The following SBF1 variants were observed in gnomAD, a reference collection of about 807,000 sequenced individuals.
SBF1 encodes the protein SET binding factor 1.
A neutral mutation model predicts 215.8 loss-of-function variants in SBF1; 65 were observed. That is an observed-to-expected ratio of 0.30 (90% CI 0.25 to 0.37). The LOEUF (loss-of-function observed/expected upper bound fraction) is 0.37. Ranked by LOEUF, SBF1 falls within the 10% of genes least tolerant of loss-of-function variation. The pLI is 1.00. For missense variants in SBF1, 2,634 were observed against 2,667.8 expected, an observed-to-expected ratio of 0.99 and a Z score of 0.28; for synonymous variants, 1,410 against 1,122.8, an observed-to-expected ratio of 1.26 and a Z score of -5.11.
chr22:50,456,735 G>T (rs905649349), intron 29 of SBF1, 62 bp from the exon 30 acceptor site: 15 of 1,378,382 alleles, frequency 1.1e-5, no homozygotes, highest in Non-Finnish European at 1.4e-5. Context: ...CCTGGGGCTG[G>T]CTGGGCCCGG....
At chr22:50,457,851 C>T (rs998768465) in intron 28 of SBF1, among the ~76,000 whole-genome samples, 61 of 152,364 alleles carry the variant, frequency 4.0e-4, no homozygotes, top group Admixed American at 3.5e-3. Flanking sequence ...AATGTCCCCT[C>T]GTCCACCAAG....
At chr22:50,449,577 T>G (rs2066962974) in intron 36 of SBF1, among the ~76,000 whole-genome samples, 1 of 151,334 alleles carries the variant, frequency 6.6e-6, no homozygotes, top group South Asian at 2.1e-4. Context: ...ATCACACCAC[T>G]GCCCTCCAGC....
At chr22:50,453,714 G>A (rs1048346605) in intron 36 of SBF1, among the ~76,000 whole-genome samples, 4 of 152,166 alleles carry the variant, frequency 2.6e-5, no homozygotes, top group African/African-American at 9.7e-5. Flanking sequence ...GTGAACCCGG[G>A]AGACGGAGCT....
Position 50,470,035 on chromosome 22 carries a change from C to T in SBF1, c.56-1574G>A, listed in dbSNP as rs373785165. 4.7e-4 allele frequency among the ~76,000 whole-genome samples: 71 copies of T among 152,090 alleles called. No homozygotes were observed. The East Asian group carries it at 9.3e-3, about 20-fold the overall frequency. On this transcript the variant is annotated intron_variant, in intron 1 of 40. Coordinates refer to ENST00000380817, the MANE Select transcript of SBF1 (RefSeq NM_002972.4). ...CACCCTGCAGAGGACAGGCGGCAGA[C>T]GGGTGGGGGCCCAGGTGTCTGCGGG...
rs774945434 is a variant in SBF1 at position 50,455,273 on chromosome 22, C to T, written c.4505G>A (p.Ser1502Asn). The T allele has an allele frequency of 1.2e-6, 2 of 1,613,412 alleles. No homozygotes were observed. Among genetic ancestry groups the T allele is most frequent in the South Asian group, 1.1e-5 (1 of 91,076 alleles). The part of the protein sequence containing the change: ...HRGAHTLAGQ[S>N]SGFTPVFLQF... ...CAGGAAGACGGGTGTGAAGCCGCTG[C>T]TCTGCCCGGCCAGGGTGTGAGCTCC... Residue 1502 changes from serine (S) to asparagine (N), a missense_variant, in exon 33 of 41, where the codon AGC (serine) becomes AAC (asparagine). By Grantham distance (46) the Ser-to-Asn change is conservative. Transcript: ENST00000380817.
At chr22:50,470,728 C>T (rs1240273138) in intron 1 of SBF1, among the ~76,000 whole-genome samples, 1 of 152,346 alleles carries the variant, frequency 6.6e-6, no homozygotes, top group Non-Finnish European at 1.5e-5. Flanking sequence ...TTGTAGAACA[C>T]GTACAGTCGG....
chr22:50,462,210 G>C lies in SBF1; in HGVS notation c.2391C>G (p.Thr797=). ...ACCCCCAGTCCCTGCCTCACCTGTT[G>C]GTGACCAGGCTGTTGCTGGCGCTCT... ...DLESASNSLV[T]NSMAGSVAES... Residue 797 remains threonine, a synonymous_variant, in exon 19 of 41, where the codon ACC becomes ACG. Coordinates refer to ENST00000380817, the MANE Select transcript of SBF1 (RefSeq NM_002972.4). The C allele has an allele frequency of 1.2e-6, 2 of 1,607,096 alleles. No individual in the cohort carries two copies. The highest frequency in any genetic ancestry group is 2.7e-5 in the African/African-American group (2 of 75,056).
rs1183692498 is a variant in SBF1, at chr22:50,462,954, G to C, written c.1900-16C>G. ...AAGTGCAGTCCTGCAGGTAGAGCGA[G>C]AGACCGTCAGGACCTCTCCCCTCCC... is the stretch of plus-strand genomic sequence containing the variant. On this transcript the variant is annotated splice_polypyrimidine_tract_variant and intron_variant, in intron 16 of 40. Transcript: ENST00000380817. 1.9e-6 allele frequency: 3 copies of C among 1,606,404 alleles called. No homozygotes were observed. Among genetic ancestry groups the C allele is most frequent in the African/African-American group, 1.3e-5 (1 of 74,776 alleles).
In SBF1 at chr22:50,462,722, A is replaced by G. The variant is rs369440376; in HGVS notation, c.1969-5T>C. 6.2e-7 allele frequency: 1 copy of G among 1,610,966 alleles called. No individual in the cohort carries two copies. The highest frequency in any genetic ancestry group is 8.5e-7 in the Non-Finnish European group (1 of 1,179,014). On this transcript the variant is annotated splice_polypyrimidine_tract_variant and splice_region_variant and intron_variant, in intron 17 of 40. Coordinates refer to ENST00000380817, the MANE Select transcript of SBF1 (RefSeq NM_002972.4). The stretch of plus-strand genomic sequence containing the variant: ...CGTCACCCCCGGGCTCAGCTTCTGC[A>G]GGAGCCAGGGGAGAAGGTCAGCTGG...
intron 28 of SBF1, among the ~76,000 whole-genome samples, chr22:50,458,029 G>C (rs1367159032): frequency 6.6e-6 from 1 of 152,236 alleles, no homozygotes; most frequent in Non-Finnish European, 1.5e-5. Flanking sequence ...GCCAGGCGCA[G>C]TGGCTCACGC....
At position 50,464,785 on chromosome 22, in the gene SBF1, G is replaced by A. The variant is rs371634179; in HGVS notation, c.1431+34C>T. On this transcript the variant is annotated intron_variant, in intron 13 of 40. Coordinates refer to ENST00000380817, the MANE Select transcript of SBF1 (RefSeq NM_002972.4). ...GGGGCAGGGGCCCAGGGATCAAGGC[G>A]GTACGACGCCCTCCCGTCCTGCTAC... 27 of 1,612,258 alleles carry A rather than the reference G, an allele frequency of 1.7e-5. No individual in the cohort carries two copies. In the Middle Eastern group the frequency reaches 5.0e-4, roughly 30 times the overall value.
intron 5 of SBF1, 194 bp from the exon 6 acceptor site, chr22:50,466,904 G>C: frequency 1.7e-6 from 1 of 576,192 alleles, no homozygotes; most frequent in South Asian, 2.3e-5. Flanking sequence ...AGAAAACTCA[G>C]GACAGGAGTG....
intron 36 of SBF1, among the ~76,000 whole-genome samples, chr22:50,450,926 G>A (rs1452895126): frequency 1.3e-5 from 2 of 152,054 alleles, no homozygotes; most frequent in South Asian, 2.1e-4. Flanking sequence ...TGGGCAACAT[G>A]GCAAGACCCC....
rs773891779 is a variant in SBF1 at position 50,447,506 on chromosome 22, C to T, written c.5451+16G>A. 7.4e-6 allele frequency: 12 copies of T among 1,612,286 alleles called. No homozygotes were observed. In the East Asian group the frequency reaches 2.7e-4, roughly 36 times the overall value. On this transcript the variant is annotated intron_variant, in intron 39 of 40. Coordinates refer to ENST00000380817, the MANE Select transcript of SBF1 (RefSeq NM_002972.4). ...CCCCCTCCCCCGTGAGTCCCCCCCA[C>T]CACCTGATCACTCACCTGGTGCTTG...
chr22:50,457,256 G>T (rs1223654199), intron 28 of SBF1, 145 bp from the exon 29 acceptor site: 4 of 593,910 alleles, frequency 6.7e-6, no homozygotes, highest in East Asian at 3.5e-5. Flanking sequence ...CTGATCGCAG[G>T]AAAGTGGGAA....
rs779268571 is a variant in SBF1 at position 50,454,909 on chromosome 22, G to A, written c.4717C>T (p.Gln1573Ter). The A allele has an allele frequency of 6.2e-7, 1 of 1,614,098 alleles. No homozygotes were observed. Among genetic ancestry groups the A allele is most frequent in the Non-Finnish European group, 8.5e-7 (1 of 1,180,004 alleles). The change falls in exon 35 of 41, where the codon CAG becomes TAG. Residue 1573 changes from glutamine (Q) to a stop codon, truncating the protein, a stop_gained. Coordinates refer to ENST00000380817, the MANE Select transcript of SBF1 (RefSeq NM_002972.4). LOFTEE classifies it high-confidence loss of function. ...TCCCACACAGACCTGCACGGCACCT[G>A]GCCCCTGCGTTCCCCCTTCTCCTCA... ...LYEEKGERRG[Q>*]VPCRSVWEYV...
chr22:50,467,422 G>A lies in SBF1; in HGVS notation c.465C>T (p.Ile155=). The change falls in exon 5 of 41, where the codon ATC becomes ATT. Residue 155 remains isoleucine, a synonymous_variant. Transcript: ENST00000380817. ...GGCACACATTCAGGCCCTCCACGTG[G>A]ATGGCATAGATGAGGCCAAGGCTGT... is the stretch of plus-strand genomic sequence containing the variant. ...FRNSLGLIYA[I]HVEGLNVCLE... The A allele has an allele frequency of 1.2e-6, 2 of 1,614,202 alleles. No individual in the cohort carries two copies. Among genetic ancestry groups the A allele is most frequent in the Non-Finnish European group, 1.7e-6 (2 of 1,180,022 alleles).
chr22:50,463,887 G>A (rs562834454), intron 15 of SBF1, among the ~76,000 whole-genome samples: 1 of 152,340 alleles, frequency 6.6e-6, no homozygotes, highest in African/African-American at 2.4e-5. Context: ...CATGATGAAA[G>A]ACCCCAGAGG....
chr22:50,454,712 G>A lies in SBF1; in HGVS notation c.4843C>T (p.Leu1615=), dbSNP rs762307253. 12 of 1,568,144 alleles carry A rather than the reference G, an allele frequency of 7.7e-6. No individual in the cohort carries two copies. The South Asian group carries it at 1.2e-4, about 16-fold the overall frequency. ...TCAGTGTAGAAGTCCCACACCTTCA[G>A]GTTGGACACGTTGCTGTAGGGCCGC... is the stretch of plus-strand genomic sequence containing the variant. ...VLRPYSNVSN[L]KVWDFYTEET... Residue 1615 remains leucine, a synonymous_variant, in exon 36 of 41, where the codon CTG becomes TTG. Coordinates refer to ENST00000380817, the MANE Select transcript of SBF1 (RefSeq NM_002972.4).
Sources: gnomAD v4.1 joint callset for allele counts (sites outside exome capture counted in the v4.1 genomes callset) on GRCh38, gnomAD v4.1.1 for gene constraint, MANE v1.5 for transcripts, NCBI Gene and HGNC (gene_info 2026-07-23, HGNC 2026-07-21) for gene names.